Variants in USP34 observed in about 807,000 individuals in gnomAD.
USP34 encodes ubiquitin carboxyl-terminal hydrolase 34.
A neutral mutation model predicts 460.3 loss-of-function variants in USP34; 70 were observed. The observed-to-expected ratio is 0.15, with a 90% CI of 0.13 to 0.19. USP34 has a LOEUF of 0.19. Among genes scored for constraint, USP34 ranks in the 10% least tolerant of loss-of-function variants. The pLI is 1.00. For synonymous variants in USP34, 1,647 were observed against 1,405.3 expected, an observed-to-expected ratio of 1.17 and a Z score of -3.85; for missense variants, 3,985 against 4,236.2, an observed-to-expected ratio of 0.94 and a Z score of 1.65.
intron 76 of USP34, 99 bp downstream of exon 76, chr2:61,192,802 C>T (rs1298541505): frequency 2.2e-6 from 2 of 897,614 alleles, no homozygotes; most frequent in Non-Finnish European, 3.4e-6. Flanking sequence ...CTAAAATGTC[C>T]CCACTTTTCA....
chr2:61,245,086 G>C, intron 51 of USP34, 124 bp downstream of exon 51: 2 of 623,000 alleles, frequency 3.2e-6, no homozygotes, highest in Non-Finnish European at 5.4e-6. Flanking sequence ...AATATAAACT[G>C]AATAAATTTT....
intron 2 of USP34, among the ~76,000 whole-genome samples, chr2:61,411,780 C>G (rs532716899): frequency 1.3e-5 from 2 of 152,276 alleles, no homozygotes; most frequent in South Asian, 4.1e-4. Flanking sequence ...ATGCCCTGAC[C>G]ACAGAGGCCT....
chr2:61,339,448 C>T lies in USP34; in HGVS notation c.2647G>A (p.Ala883Thr). Reference sequence around the variant, plus strand: ...ACTAACGAACAAAGAAGTTTCTCTGCTTCATTTATTAATCCTTCAGAAAGA... The same window carrying T: ...ACTAACGAACAAAGAAGTTTCTCTGTTTCATTTATTAATCCTTCAGAAAGA... ...VNLSEGLINEAEKLLCSLVCW... is the reference protein window; with the variant it reads ...VNLSEGLINETEKLLCSLVCW... Residue 883 changes from alanine (A) to threonine (T), a missense_variant, in exon 18 of 80, where the codon GCA becomes ACA. Physicochemically the swap from Ala to Thr is moderately conservative, Grantham distance 58 (BLOSUM62 0). Coordinates refer to ENST00000398571, the MANE Select transcript of USP34 (RefSeq NM_014709.4). 6.3e-7 allele frequency: 1 copy of T among 1,597,608 alleles called. No individual in the cohort carries two copies. The highest frequency in any genetic ancestry group is 8.5e-7 in the Non-Finnish European group (1 of 1,171,086).
At chr2:61,237,712 G>T (rs1688110253) in intron 53 of USP34, among the ~76,000 whole-genome samples, 1 of 150,898 alleles carries the variant, frequency 6.6e-6, no homozygotes, top group African/African-American at 2.4e-5. Context: ...GGGACCACAG[G>T]TGCGTGCCAC....
intron 29 of USP34, among the ~76,000 whole-genome samples, chr2:61,297,962 G>A (rs1014962622): frequency 1.3e-5 from 2 of 152,036 alleles, no homozygotes; most frequent in Non-Finnish European, 2.9e-5. Flanking sequence ...TTGAGGAAAT[G>A]GCACTCAGTT....
intron 5 of USP34, among the ~76,000 whole-genome samples, chr2:61,386,069 A>T (rs1693135508): frequency 6.6e-6 from 1 of 152,122 alleles, no homozygotes; most frequent in Non-Finnish European, 1.5e-5. Flanking sequence ...CTTCTTGTAA[A>T]GCTTCAGTAA....
In USP34 at chr2:61,245,243, T is replaced by G. The variant is rs907952111; in HGVS notation, c.6594A>C (p.Gln2198His). The G allele has an allele frequency of 6.2e-7, 1 of 1,610,482 alleles. No individual in the cohort carries two copies. Among genetic ancestry groups the G allele is most frequent in the South Asian group, 1.1e-5 (1 of 90,636 alleles). ...CTCCACCAAAACATTCAGATGCAAG[T>G]TGAGCAGAATCAAAAGGTTTTACCT... is the stretch of plus-strand genomic sequence containing the variant. ...DAEVKPFDSA[Q>H]LASECFGGEM... is the part of the protein sequence containing the mutation. The change falls in exon 51 of 80, where the codon CAA (glutamine) becomes CAC (histidine). Residue 2198 changes from glutamine to histidine, a missense_variant. Gln to His is a conservative substitution (Grantham distance 24). Around this residue, in one of 14 missense-constraint regions of USP34, gnomAD observed 11 missense variants for 37.7 expected, o/e 0.29. Coordinates refer to ENST00000398571, the MANE Select transcript of USP34 (RefSeq NM_014709.4).
chr2:61,331,033 C>T (rs985622913), intron 20 of USP34, among the ~76,000 whole-genome samples: 2 of 151,996 alleles, frequency 1.3e-5, no homozygotes, highest in African/African-American at 4.8e-5. Context: ...TTGAACAAAT[C>T]TCAATAGTGA....
At chr2:61,352,380 G>A (rs1372014944) in intron 10 of USP34, among the ~76,000 whole-genome samples, 1 of 151,400 alleles carries the variant, frequency 6.6e-6, no homozygotes, top group East Asian at 1.9e-4. Context: ...CCAATTTTCT[G>A]CCAATTTAAC....
chr2:61,259,594 C>T (rs1688817333), intron 44 of USP34, 117 bp downstream of exon 44: 4 of 777,892 alleles, frequency 5.1e-6, no homozygotes, highest in Non-Finnish European at 2.0e-6. Context: ...CCATGTTGCC[C>T]AGGCTGGTCT....
At chr2:61,277,051 CAG>C (rs1323323491) in intron 41 of USP34, among the ~76,000 whole-genome samples, 1 of 152,088 alleles carries the variant, frequency 6.6e-6, no homozygotes, top group African/African-American at 2.4e-5. Flanking sequence ...TTTGTTGGTT[CAG>C]AGTCACGAAG....
intron 27 of USP34, among the ~76,000 whole-genome samples, chr2:61,309,161 A>G (rs569068908): frequency 1.3e-5 from 2 of 152,354 alleles, no homozygotes; most frequent in African/African-American, 4.8e-5. Flanking sequence ...TTGTGCAACA[A>G]AATTATTTCC....
At chr2:61,315,001 A>AG (rs1690699249) in intron 23 of USP34, 27 bp from the exon 24 acceptor site, 1 of 1,585,876 alleles carries the variant, frequency 6.3e-7, no homozygotes, top group South Asian at 1.2e-5. Context: ...TGGTATCTCT[A>AG]AATTTTGTTT....
chr2:61,427,616 T>C (rs1694549309), intron 1 of USP34, among the ~76,000 whole-genome samples: 1 of 152,206 alleles, frequency 6.6e-6, no homozygotes, highest in Non-Finnish European at 1.5e-5. Context: ...CAGAATTCTA[T>C]CAGATAACTT....
intron 2 of USP34, among the ~76,000 whole-genome samples, chr2:61,420,386 G>T (rs896889693): frequency 6.6e-6 from 1 of 152,074 alleles, no homozygotes. Context: ...ATATTAAGTG[G>T]CTTAAAAGTA....
chr2:61,251,429 G>T (rs1224063396), intron 48 of USP34, among the ~76,000 whole-genome samples: 3 of 152,114 alleles, frequency 2.0e-5, no homozygotes, highest in Admixed American at 6.6e-5. Flanking sequence ...ATGAATGCAG[G>T]TTGTCTACTA....
In USP34 at chr2:61,224,430, A is replaced by T. The variant is rs79739238; in HGVS notation, c.7596-1134T>A. On this transcript the variant is annotated intron_variant, in intron 62 of 79. Transcript: ENST00000398571. ...TAATTAACAGTATCTTGTAGAAGGC[A>T]CACAATGAAGGGTTAGTCTTTTTGT... 9.4e-3 allele frequency among the ~76,000 whole-genome samples: 1,426 copies of T among 152,340 alleles called. 28 individuals carry two copies. The highest frequency in any genetic ancestry group is 0.032 in the African/African-American group (1,348 of 41,576).
At position 61,195,805 on chromosome 2, in the gene USP34, G is replaced by A. The variant is rs1426578697; in HGVS notation, c.9509-2825C>T. 3.9e-5 allele frequency among the ~76,000 whole-genome samples: 6 copies of A among 152,198 alleles called. No homozygotes were observed. The East Asian group carries it at 1.2e-3, about 29-fold the overall frequency. ...CTAACCCACTAACCTCTGAACTAGA[G>A]GCTGCTCTGACATTAACCCTCTTAT... On this transcript the variant is annotated intron_variant, in intron 75 of 79. Transcript: ENST00000398571.
intron 1 of USP34, among the ~76,000 whole-genome samples, chr2:61,447,437 TC>T: frequency 6.6e-6 from 1 of 152,270 alleles, no homozygotes; most frequent in African/African-American, 2.4e-5. Context: ...TTATCAGTCT[TC>T]CTTGAAGTGA....
Sources: allele counts gnomAD v4.1 joint callset (sites outside exome capture counted in the v4.1 genomes callset), GRCh38; gene constraint gnomAD v4.1.1; regional missense constraint gnomAD v4.1.1; transcripts MANE v1.5; gene names NCBI Gene and HGNC (gene_info 2026-07-23, HGNC 2026-07-21).